The following ROBO2 variants were observed in gnomAD, a reference collection of about 807,000 sequenced individuals.
The protein encoded by ROBO2 is roundabout homolog 2.
A neutral mutation model predicts 160.8 loss-of-function variants in ROBO2; 53 were observed. The observed-to-expected ratio is 0.33, with a 90% confidence interval of 0.26 to 0.41. The LOEUF (loss-of-function observed/expected upper bound fraction) is 0.41, where lower values mean the gene tolerates loss of function less well. ROBO2 is among the 10% of genes least tolerant of loss of function. The probability of loss-of-function intolerance (pLI) is 1.00; values close to 1 mark genes in which losing one functional copy is unlikely to be tolerated. For missense variants in ROBO2, 1,577 were observed against 1,722.4 expected (o/e 0.92, Z 1.49); for synonymous variants, 664 against 611.7 (o/e 1.09, Z -1.26).
chr3:76,534,049 G>A (rs892231958), intron 2 of ROBO2, among the ~76,000 whole-genome samples: 3 of 152,110 alleles, frequency 2.0e-5, no homozygotes, highest in African/African-American at 7.2e-5. Flanking sequence ...TAACATTCCT[G>A]TCTTTTTATT....
chr3:76,073,264 ATTCTTTTTTTTTTTT>A lies in ROBO2; in HGVS notation c.109+135665_109+135679del, dbSNP rs1348001678. ...GATTTGTAAACTTCTCAGAATGAGT[ATTCTTTTTTTTTTTT>A]TTTTTTTTTTTTTTTTTTTTTTTTT... On this transcript the variant is annotated intron_variant, in intron 2 of 26. Coordinates refer to the ROBO2 transcript ENST00000487694. Among the ~76,000 whole-genome samples the A allele has an allele frequency of 1.1e-4, 9 of 83,428 alleles. 1 individual carries two copies. Among genetic ancestry groups the A allele is most frequent in the African/African-American group, 1.6e-4 (4 of 25,474 alleles). 54.7% of individuals were successfully genotyped at this position (83,428 alleles called of 152,430 possible).
At chr3:77,015,131 C>T (rs997100222) in intron 2 of ROBO2, among the ~76,000 whole-genome samples, 15 of 152,086 alleles carry the variant, frequency 9.9e-5, no homozygotes, top group African/African-American at 7.2e-5. Flanking sequence ...CCCTCCAATG[C>T]GACTCATCAT....
At chr3:76,982,120 A>T (rs11914356) in intron 2 of ROBO2, among the ~76,000 whole-genome samples, 5 of 152,068 alleles carry the variant, frequency 3.3e-5, no homozygotes, top group South Asian at 2.1e-4. Context: ...TTGCTGCTGC[A>T]TTTGCTTTTG....
chr3:77,532,721 A>AT (rs1415758300), intron 6 of ROBO2, among the ~76,000 whole-genome samples: 1 of 151,552 alleles, frequency 6.6e-6, no homozygotes, highest in South Asian at 2.1e-4. Flanking sequence ...ATATATTCTA[A>AT]TTTTTTTGTT....
chr3:76,008,232 C>CCAAAAA (rs769742670), intron 2 of ROBO2, among the ~76,000 whole-genome samples: 1 of 82,280 alleles, frequency 1.2e-5, no homozygotes, highest in Admixed American at 1.5e-4. Context: ...AAGACTCTGT[C>CCAAAAA]AAAAAAAAAA....
At chr3:76,763,980 A>G (rs1343164837) in intron 2 of ROBO2, among the ~76,000 whole-genome samples, 1 of 151,752 alleles carries the variant, frequency 6.6e-6, no homozygotes, top group African/African-American at 2.4e-5. Context: ...AATCCTGCAT[A>G]TTTATTCCAA....
intron 2 of ROBO2, among the ~76,000 whole-genome samples, chr3:77,239,024 G>A (rs1370865505): frequency 6.6e-6 from 1 of 152,150 alleles, no homozygotes; most frequent in Non-Finnish European, 1.5e-5. Flanking sequence ...AGTCAGCCCT[G>A]TGGAATCCAC....
At chr3:77,001,789 TTC>T (rs1371232565) in intron 2 of ROBO2, among the ~76,000 whole-genome samples, 10 of 148,314 alleles carry the variant, frequency 6.7e-5, no homozygotes, top group African/African-American at 2.2e-4. Flanking sequence ...CATGAAGTTG[TTC>T]TTTTATTTTT....
chr3:76,604,856 C>G (rs2077274833), intron 2 of ROBO2, among the ~76,000 whole-genome samples: 1 of 152,078 alleles, frequency 6.6e-6, no homozygotes, highest in Non-Finnish European at 1.5e-5. Flanking sequence ...AGCCCTTGAC[C>G]AAGAAGCTCA....
intron 2 of ROBO2, among the ~76,000 whole-genome samples, chr3:76,845,390 GTA>G: frequency 6.6e-6 from 1 of 152,070 alleles, no homozygotes; most frequent in Non-Finnish European, 1.5e-5. Flanking sequence ...ACCATCATTA[GTA>G]TAGTGATCTA....
chr3:76,107,695 A>T (rs13075674), intron 2 of ROBO2, among the ~76,000 whole-genome samples: 1 of 152,136 alleles, frequency 6.6e-6, no homozygotes, highest in African/African-American at 2.4e-5. Context: ...TTACACAATT[A>T]TACTCAAAAT....
chr3:77,335,021 T>C (rs2066347854), intron 2 of ROBO2, among the ~76,000 whole-genome samples: 1 of 152,218 alleles, frequency 6.6e-6, no homozygotes, highest in Non-Finnish European at 1.5e-5. Context: ...GAAGTGGTAA[T>C]TTAGTGTTCT....
At chr3:77,031,226 G>T (rs1181664791) in intron 2 of ROBO2, among the ~76,000 whole-genome samples, 1 of 152,070 alleles carries the variant, frequency 6.6e-6, no homozygotes, top group Admixed American at 6.6e-5. Flanking sequence ...ATGTGGAGGA[G>T]TTCCCAGCTG....
chr3:76,828,165 G>T (rs945242778), intron 2 of ROBO2, among the ~76,000 whole-genome samples: 11 of 152,080 alleles, frequency 7.2e-5, no homozygotes, highest in Admixed American at 6.6e-4. Context: ...GGCTTGCTTT[G>T]TGCCTTTGGA....
intron 2 of ROBO2, among the ~76,000 whole-genome samples, chr3:76,836,711 A>G (rs2067726533): frequency 6.6e-6 from 1 of 151,434 alleles, no homozygotes; most frequent in African/African-American, 2.4e-5. Context: ...TCTTTCTTTT[A>G]TTGGTTTTTA....
chr3:76,053,398 T>C (rs78883934), intron 2 of ROBO2, among the ~76,000 whole-genome samples: 3,607 of 152,126 alleles, frequency 0.024, 139 homozygotes, highest in African/African-American at 0.081. Context: ...AAATGCATTG[T>C]AGATGTTCTT....
chr3:75,939,861 CTTA>C (rs1947963758), intron 2 of ROBO2, among the ~76,000 whole-genome samples: 1 of 151,864 alleles, frequency 6.6e-6, no homozygotes, highest in African/African-American at 2.4e-5. Context: ...CTCATAGCTC[CTTA>C]TTATTGTCAA....
At chr3:76,537,750 G>C (rs1422888282) in intron 2 of ROBO2, among the ~76,000 whole-genome samples, 3 of 152,100 alleles carry the variant, frequency 2.0e-5, no homozygotes, top group Non-Finnish European at 4.4e-5. Context: ...ATTCACTTGG[G>C]TGCAAGTGGG....
At chr3:76,658,616 T>C (rs2091683763) in intron 2 of ROBO2, among the ~76,000 whole-genome samples, 1 of 152,202 alleles carries the variant, frequency 6.6e-6, no homozygotes, top group Non-Finnish European at 1.5e-5. Flanking sequence ...CTTAGTTTGC[T>C]GAGAATGATG....
Sources: allele counts gnomAD v4.1 joint callset (sites outside exome capture counted in the v4.1 genomes callset), GRCh38; gene constraint gnomAD v4.1.1; transcripts MANE v1.5; gene names NCBI Gene and HGNC (gene_info 2026-07-23, HGNC 2026-07-21).